The following CCDC57 variants were observed in gnomAD, a reference collection of about 807,000 sequenced individuals.
CCDC57 encodes the protein coiled-coil domain containing 57.
Under a neutral mutation model 118.9 loss-of-function variants are expected in CCDC57, and 118 were observed. That is an observed-to-expected ratio of 0.99 (90% CI 0.86 to 1.16). The LOEUF (loss-of-function observed/expected upper bound fraction) is 1.16, where lower values mean the gene tolerates loss of function less well. Ranked by LOEUF, CCDC57 falls within the 50% of genes most tolerant of loss-of-function variation. CCDC57 has a pLI of 0.00. For missense variants in CCDC57, 1,300 were observed against 1,320.7 expected (o/e 0.98, Z 0.24); for synonymous variants, 527 against 532.9 (o/e 0.99, Z 0.15).
At chr17:82,150,773 T>C (rs370002323) in intron 16 of CCDC57, among the ~76,000 whole-genome samples, 448 of 17,036 alleles carry the variant, frequency 0.026, no homozygotes, top group African/African-American at 0.032. Context: ...AGGCGCACAC[T>C]CAGAACCTGG....
intron 16 of CCDC57, among the ~76,000 whole-genome samples, chr17:82,149,975 CCGCACCCAGAACCAGGCG>C (rs2041662051): frequency 6.9e-6 from 1 of 144,652 alleles, no homozygotes; most frequent in Admixed American, 6.9e-5. Flanking sequence ...AGAACCTGAC[CCGCACCCAGAACCAGGCG>C]CACACCCAGA....
intron 19 of CCDC57, among the ~76,000 whole-genome samples, chr17:82,120,724 G>C (rs968367116): frequency 6.6e-6 from 1 of 151,998 alleles, no homozygotes; most frequent in Non-Finnish European, 1.5e-5. Flanking sequence ...TGAATCAAAA[G>C]CCCCATGGAC....
intron 19 of CCDC57, among the ~76,000 whole-genome samples, chr17:82,104,589 A>G (rs1190655748): frequency 6.6e-6 from 1 of 152,128 alleles, no homozygotes; most frequent in Non-Finnish European, 1.5e-5. Context: ...CCCAGGCTGG[A>G]GTGCAGTGGC....
At chr17:82,137,576 A>C (rs542576859) in intron 16 of CCDC57, among the ~76,000 whole-genome samples, 4 of 152,164 alleles carry the variant, frequency 2.6e-5, no homozygotes, top group African/African-American at 9.6e-5. Context: ...ATTATTTCTC[A>C]GGTACCCATG....
At chr17:82,157,491 G>T (rs571761033) in intron 15 of CCDC57, 1 of 1,414,236 alleles carries the variant, frequency 7.1e-7, no homozygotes, top group East Asian at 2.6e-5. Flanking sequence ...GGAGGACTGG[G>T]ATGGGCCCGT....
In CCDC57 at chr17:82,152,032, C is replaced by G. The variant is rs1270669828; in HGVS notation, c.2242-259G>C. 3 of 503,236 alleles carry G rather than the reference C, an allele frequency of 6.0e-6. No homozygotes were observed. In the East Asian group the frequency reaches 1.1e-4, roughly 18 times the overall value. 31.2% of individuals were successfully genotyped at this position (503,236 alleles called of 1,614,324 possible). A position where few individuals can be genotyped will look rare whatever the true frequency, so the allele number is the denominator to read the frequency against. ...GGCCCCCAGATCTCCCAGGCCCTCA[C>G]AGCCCTCCGCCTCCTCCCCGCCATC... On this transcript the variant is annotated intron_variant, in intron 15 of 19. Coordinates refer to ENST00000665763, the Ensembl canonical transcript of CCDC57.
chr17:82,143,136 G>C (rs1290848141), intron 16 of CCDC57, among the ~76,000 whole-genome samples: 1 of 141,394 alleles, frequency 7.1e-6, no homozygotes, highest in African/African-American at 2.6e-5. Context: ...ATGGCAACAA[G>C]AGTGAAACTC....
At chr17:82,198,918 G>A (rs1175518992) in intron 3 of CCDC57, among the ~76,000 whole-genome samples, 4 of 150,286 alleles carry the variant, frequency 2.7e-5, no homozygotes, top group African/African-American at 4.9e-5. Context: ...GCGTGAACCC[G>A]GGAGGTGGAG....
chr17:82,150,208 C>T (rs71375077), intron 16 of CCDC57, among the ~76,000 whole-genome samples: 1,856 of 50,812 alleles, frequency 0.037, 9 homozygotes, highest in East Asian at 0.29. Flanking sequence ...TAGAACCAGG[C>T]GCACACCCAG....
intron 11 of CCDC57, among the ~76,000 whole-genome samples, chr17:82,176,634 C>T (rs1390260368): frequency 6.6e-6 from 1 of 152,192 alleles, no homozygotes; most frequent in East Asian, 1.9e-4. Flanking sequence ...CCTGGACCCA[C>T]CCTATGTACT....
In CCDC57 at chr17:82,143,088, T is replaced by C. The variant is rs141241059; in HGVS notation, c.2455+8472A>G. On this transcript the variant is annotated intron_variant, in intron 16 of 19. Coordinates refer to ENST00000665763, the Ensembl canonical transcript of CCDC57. ...GAGGCAGGAGAATTGCTTGATCCCA[T>C]GAGGCGGAGGTTGTAGATCGCGCCA... is the stretch of plus-strand genomic sequence containing the variant. 9.2e-3 allele frequency among the ~76,000 whole-genome samples: 1,399 copies of C among 151,516 alleles called. 18 individuals are homozygous for C. Among genetic ancestry groups the C allele is most frequent in the African/African-American group, 0.032 (1,335 of 41,290 alleles).
intron 7 of CCDC57, among the ~76,000 whole-genome samples, chr17:82,190,547 T>C (rs974683675): frequency 1.3e-5 from 2 of 151,864 alleles, no homozygotes; most frequent in Non-Finnish European, 2.9e-5. Flanking sequence ...ATACAAAAAT[T>C]AGCCAGGTGT....
chr17:82,173,768 GA>G (rs2045083324), intron 11 of CCDC57, among the ~76,000 whole-genome samples: 1 of 152,172 alleles, frequency 6.6e-6, no homozygotes, highest in Non-Finnish European at 1.5e-5. Flanking sequence ...CAGGCATAGG[GA>G]TGACAGACCC....
Position 82,212,397 on chromosome 17 carries a change from C to CTTT in CCDC57, c.-211+385_-211+387dup, listed in dbSNP as rs55941734. On this transcript the variant is annotated intron_variant, in intron 1 of 19. Transcript: ENST00000665763. The surrounding 1 kb of genome is among the most constrained non-coding windows in gnomAD (Gnocchi z 4.1). ...CGCCTCCGGCCTTTTTTTTTCCTCT[C>CTTT]TTTTTTTTTTTTTTTTTTTAAACTC... Among the ~76,000 whole-genome samples, 441 of 135,088 alleles carry CTTT rather than the reference C, an allele frequency of 3.3e-3. 6 individuals are homozygous for CTTT. Among genetic ancestry groups the CTTT allele is most frequent in the Middle Eastern group, 7.5e-3 (2 of 268 alleles). The allele number at this position is 135,088 out of a possible 152,430, so 88.6% of individuals were successfully genotyped here. A position where few individuals can be genotyped will look rare whatever the true frequency, so the allele number is the denominator to read the frequency against.
intron 7 of CCDC57, among the ~76,000 whole-genome samples, chr17:82,189,883 G>A (rs957246869): frequency 6.6e-6 from 1 of 151,838 alleles, no homozygotes; most frequent in African/African-American, 2.4e-5. Context: ...GGTGGCATGC[G>A]CCTGTAATCC....
intron 17 of CCDC57, among the ~76,000 whole-genome samples, chr17:82,129,281 C>T (rs375208911): frequency 1.6e-3 from 251 of 152,286 alleles, no homozygotes; most frequent in African/African-American, 5.8e-3. Flanking sequence ...TGTCTCCCCC[C>T]TTCTGGAGGG....
At chr17:82,205,923 G>C (rs889823836) in intron 2 of CCDC57, among the ~76,000 whole-genome samples, 7 of 152,236 alleles carry the variant, frequency 4.6e-5, no homozygotes, top group Non-Finnish European at 8.8e-5. Context: ...GGCCTGCTCT[G>C]TTTCTGTACA....
intron 19 of CCDC57, among the ~76,000 whole-genome samples, chr17:82,124,687 T>C (rs2037175285): frequency 6.6e-6 from 1 of 152,014 alleles, no homozygotes. Flanking sequence ...TCCCAGCTAC[T>C]TGGGAGGCTG....
intron 19 of CCDC57, among the ~76,000 whole-genome samples, chr17:82,103,862 TG>T (rs1206177690): frequency 6.6e-6 from 1 of 151,804 alleles, no homozygotes; most frequent in East Asian, 1.9e-4. Flanking sequence ...GAGGGTGAGC[TG>T]GCCCCCTCCC....
Sources: gnomAD v4.1 joint callset for allele counts (sites outside exome capture counted in the v4.1 genomes callset) on GRCh38, gnomAD v4.1.1 for gene constraint, Gnocchi (gnomAD v3.1) non-coding constraint, MANE v1.5 for transcripts, NCBI Gene and HGNC (gene_info 2026-07-23, HGNC 2026-07-21) for gene names.